Variants in EPRS1 observed in about 807,000 individuals in gnomAD.
EPRS1 encodes the protein glutamyl-prolyl-tRNA synthetase 1.
A neutral mutation model predicts 188.3 loss-of-function variants in EPRS1; 107 were observed. The observed-to-expected ratio is 0.57, with a 90% CI of 0.49 to 0.67. The LOEUF is 0.67. EPRS1 is among the 30% of genes least tolerant of loss of function. The pLI, the probability that EPRS1 is intolerant of heterozygous loss-of-function variation, is 0.00. For synonymous variants in EPRS1, 596 were observed against 593.1 expected (o/e 1.00, Z -0.07); for missense variants, 1,577 against 1,802.2 (o/e 0.88, Z 2.26).
chr1:219,982,947 A>C, intron 22 of EPRS1, 103 bp from the exon 23 acceptor site: 4 of 1,069,382 alleles, frequency 3.7e-6, no homozygotes, highest in Non-Finnish European at 5.7e-6. Context: ...TGCTATATCA[A>C]TTTAGGCAAG....
chr1:220,014,882 A>C (rs1364864748), intron 12 of EPRS1, among the ~76,000 whole-genome samples: 2 of 152,214 alleles, frequency 1.3e-5, no homozygotes, highest in East Asian at 3.9e-4. Context: ...CAAAATAAAC[A>C]AATTGGGGAG....
intron 5 of EPRS1, among the ~76,000 whole-genome samples, chr1:220,031,803 G>C (rs1231592978): frequency 6.6e-6 from 1 of 152,098 alleles, no homozygotes; most frequent in Non-Finnish European, 1.5e-5. Context: ...AGGAGATTCA[G>C]AAGAAAGAAA....
At chr1:219,983,889 G>A (rs1305027134) in intron 21 of EPRS1, among the ~76,000 whole-genome samples, 21 of 85,312 alleles carry the variant, frequency 2.5e-4, no homozygotes, top group South Asian at 5.2e-4. Context: ...TGATACTCCC[G>A]TCTCAAAAAA....
chr1:220,019,892 T>C (rs1661827830), intron 10 of EPRS1, 96 bp downstream of exon 10: 4 of 802,030 alleles, frequency 5.0e-6, no homozygotes, highest in Non-Finnish European at 8.3e-6. Context: ...CCATTCCCCC[T>C]CCTCCCAATC....
rs772761836 is a variant in EPRS1 at position 219,973,375 on chromosome 1, A to T, written c.4107T>A (p.Val1369=). ...GACAGCTCTTCATATCACGTGGCCC[A>T]ACTTCAAGTCTAATGGGAACTCCCT... ...ELKGVPIRLE[V]GPRDMKSCQF... Residue 1369 remains valine, a synonymous_variant, in exon 29 of 32, where the codon GTT becomes GTA. Transcript: ENST00000366923. 8.7e-6 allele frequency: 14 copies of T among 1,612,216 alleles called. No homozygotes were observed. The highest frequency in any genetic ancestry group is 1.2e-5 in the Non-Finnish European group (14 of 1,179,382).
At position 220,018,725 on chromosome 1, in the gene EPRS1, T is replaced by C. The variant is rs376871310; in HGVS notation, c.1435-217A>G. Among the ~76,000 whole-genome samples, 95 of 151,736 alleles carry C rather than the reference T, an allele frequency of 6.3e-4. 1 individual carries two copies. The South Asian group carries it at 0.019, about 31-fold the overall frequency. On this transcript the variant is annotated intron_variant, in intron 11 of 31. Coordinates refer to ENST00000366923, the MANE Select transcript of EPRS1 (RefSeq NM_004446.3). ...AGTCTACAGACTGCTCACAGTCAAG[T>C]CATATAATTCACTGCTAAAAATACT...
At position 220,046,430 on chromosome 1, in the gene EPRS1, G is replaced by T. The variant is rs374900545; in HGVS notation, c.-42C>A. 2.5e-6 allele frequency: 4 copies of T among 1,612,500 alleles called. No homozygotes were observed. In the African/African-American group the frequency reaches 4.0e-5, roughly 16 times the overall value. Reference sequence around the variant, plus strand: ...GTCCACCTGTCAGTACGCCTGGCTCGTGCCAGAACTACGGAGGACCCCGCG... The same window carrying T: ...GTCCACCTGTCAGTACGCCTGGCTCTTGCCAGAACTACGGAGGACCCCGCG... On this transcript the variant is annotated 5_prime_UTR_variant, in exon 1 of 32. Transcript: ENST00000366923.
In EPRS1 at chr1:220,045,633, C is replaced by T. The variant is rs185216609; in HGVS notation, c.46+710G>A. On this transcript the variant is annotated intron_variant, in intron 1 of 31. Transcript: ENST00000366923. ...GTCATGTCGAAAAAATAATTCCAAA[C>T]AGAACTTAAGATGTGTCAGTAAGGT... is the stretch of plus-strand genomic sequence containing the variant. 3.9e-4 allele frequency among the ~76,000 whole-genome samples: 60 copies of T among 152,252 alleles called. 1 individual carries two copies. Among genetic ancestry groups the T allele is most frequent in the African/African-American group, 1.3e-3 (54 of 41,552 alleles).
intron 18 of EPRS1, among the ~76,000 whole-genome samples, chr1:219,996,068 G>A (rs1048883094): frequency 6.6e-6 from 1 of 152,132 alleles, no homozygotes; most frequent in African/African-American, 2.4e-5. Context: ...CTTAAACTAT[G>A]CTGCTGTTTG....
intron 9 of EPRS1, among the ~76,000 whole-genome samples, chr1:220,022,141 T>C (rs568475098): frequency 1.3e-5 from 2 of 152,286 alleles, no homozygotes; most frequent in East Asian, 3.9e-4. Context: ...GAAGTGATCT[T>C]AGAAATAATG....
chr1:219,999,996 A>C (rs1255449328), intron 17 of EPRS1, among the ~76,000 whole-genome samples: 1 of 152,110 alleles, frequency 6.6e-6, no homozygotes, highest in Non-Finnish European at 1.5e-5. Flanking sequence ...AAATAAAAAT[A>C]GAATACAGCC....
intron 2 of EPRS1, 97 bp downstream of exon 2, chr1:220,040,088 C>A: frequency 2.6e-6 from 2 of 772,192 alleles, no homozygotes; most frequent in South Asian, 3.6e-5. Flanking sequence ...TATGATCATG[C>A]CAGCCTGGGC....
chr1:219,979,688 T>G lies in EPRS1; in HGVS notation c.3712-73A>C. 3 of 1,020,556 alleles carry G rather than the reference T, an allele frequency of 2.9e-6. No individual in the cohort carries two copies. In the South Asian group the frequency reaches 4.4e-5, roughly 15 times the overall value. The allele number at this position is 1,020,556 out of a possible 1,614,324, so 63.2% of individuals were successfully genotyped here. ...GCCCTTGAAAATGATTACTATAAGA[T>G]CACATGCTTTAAAATGGCACTACAC... On this transcript the variant is annotated intron_variant, in intron 26 of 31. Transcript: ENST00000366923.
At chr1:220,041,926 A>T (rs1662302207) in intron 1 of EPRS1, among the ~76,000 whole-genome samples, 1 of 152,222 alleles carries the variant, frequency 6.6e-6, no homozygotes, top group African/African-American at 2.4e-5. Flanking sequence ...AGGAAGGTGC[A>T]AAATAAACCT....
intron 1 of EPRS1, among the ~76,000 whole-genome samples, chr1:220,045,853 C>T (rs913167748): frequency 1.3e-5 from 2 of 152,006 alleles, no homozygotes; most frequent in Non-Finnish European, 2.9e-5. Flanking sequence ...CTCGATAAAA[C>T]GTAAGGAAAA....
chr1:219,994,034 G>A lies in EPRS1; in HGVS notation c.2541+2949C>T, dbSNP rs761550457. 2.6e-5 allele frequency among the ~76,000 whole-genome samples: 4 copies of A among 152,182 alleles called. No individual in the cohort carries two copies. The East Asian group carries it at 5.8e-4, about 22-fold the overall frequency. On this transcript the variant is annotated intron_variant, in intron 18 of 31. Coordinates refer to ENST00000366923, the MANE Select transcript of EPRS1 (RefSeq NM_004446.3). ...GAAACATTTACTACTATTAGCATTC[G>A]GAGAAAAAATATACGGAGTACAGCA...
chr1:219,993,454 C>T lies in EPRS1; in HGVS notation c.2541+3529G>A, dbSNP rs116427711. Among the ~76,000 whole-genome samples the T allele has an allele frequency of 4.1e-3, 619 of 152,238 alleles. 5 individuals are homozygous for T. The highest frequency in any genetic ancestry group is 0.014 in the African/African-American group (579 of 41,536). On this transcript the variant is annotated intron_variant, in intron 18 of 31. Coordinates refer to ENST00000366923, the MANE Select transcript of EPRS1 (RefSeq NM_004446.3). Reference sequence around the variant, plus strand: ...TTACTTGCCCGTCTTTTTGCTTATACTTTGCCTTTACACTTAAAAGTTCTT... The same window carrying T: ...TTACTTGCCCGTCTTTTTGCTTATATTTTGCCTTTACACTTAAAAGTTCTT...
intron 1 of EPRS1, among the ~76,000 whole-genome samples, chr1:220,040,590 C>T (rs1209617243): frequency 1.3e-5 from 2 of 152,172 alleles, no homozygotes; most frequent in African/African-American, 4.8e-5. Flanking sequence ...GTGGCTCATG[C>T]CTATAATCCC....
At chr1:220,032,351 GTT>G (rs1553254086) in intron 5 of EPRS1, 34 bp downstream of exon 5, 26 of 1,195,322 alleles carry the variant, frequency 2.2e-5, no homozygotes, top group Middle Eastern at 2.1e-4. Flanking sequence ...CTCCCAAAGT[GTT>G]TTTTTTTTTA....
Sources: gnomAD v4.1 joint callset for allele counts (sites outside exome capture counted in the v4.1 genomes callset) on GRCh38, gnomAD v4.1.1 for gene constraint, MANE v1.5 for transcripts, NCBI Gene and HGNC (gene_info 2026-07-23, HGNC 2026-07-21) for gene names.